PRKAR1A: variants seen among roughly 807,000 people sequenced by gnomAD.
The protein encoded by PRKAR1A is protein kinase cAMP-dependent type I regulatory subunit alpha.
A neutral mutation model predicts 52.0 loss-of-function variants in PRKAR1A; 3 were observed. The ratio of observed to expected loss-of-function variants is 0.06; its 90% CI spans 0.03 to 0.15. The LOEUF (loss-of-function observed/expected upper bound fraction) is 0.15, where lower values mean the gene tolerates loss of function less well. PRKAR1A is among the 10% of genes least tolerant of loss of function. The pLI, the probability that PRKAR1A is intolerant of heterozygous loss-of-function variation, is 1.00. For synonymous variants in PRKAR1A, 188 were observed against 168.4 expected, an observed-to-expected ratio of 1.12 and a Z score of -0.90; for missense variants, 240 against 477.4, an observed-to-expected ratio of 0.50 and a Z score of 4.63.
At chr17:68,442,288 A>C in the PRKAR1A span, among the ~76,000 whole-genome samples, 3 of 152,086 alleles carry the variant, frequency 2.0e-5, 1 homozygote, top group South Asian at 2.1e-4. Flanking sequence ...ACATGGTGAA[A>C]TCCTATCTCT....
rs545396748 is a variant in PRKAR1A at position 68,539,917 on chromosome 17, A to G, written c.973+9916A>G. 3 of 1,614,204 alleles carry G rather than the reference A, an allele frequency of 1.9e-6. No homozygotes were observed. In the Admixed American group the frequency reaches 5.0e-5, roughly 27 times the overall value. ...CGTTGTCAAGGTGAATAAGGAACCC[A>G]TCATCCCCGAACTTGGTGAACATCT... On this transcript the variant is annotated intron_variant, in intron 11 of 11. Coordinates refer to the PRKAR1A transcript ENST00000585981.
chr17:68,420,648 C>G, the PRKAR1A span: 1 of 702,948 alleles, frequency 1.4e-6, no homozygotes, highest in South Asian at 1.9e-5. Context: ...AGCAGCTGAG[C>G]TGCGCTGGCT....
upstream of PRKAR1A, among the ~76,000 whole-genome samples, chr17:68,509,044 A>G (rs947589020): frequency 3.3e-5 from 5 of 152,194 alleles, no homozygotes; most frequent in Admixed American, 1.3e-4. Context: ...AGGTGCAAGA[A>G]CCACCAAGAA....
At chr17:68,420,764 G>C in the PRKAR1A span, 1 of 376,512 alleles carries the variant, frequency 2.7e-6, no homozygotes, top group Admixed American at 4.3e-5. Context: ...TAACCTGCAA[G>C]TTGATTTTGA....
chr17:68,440,964 A>G, the PRKAR1A span: 1 of 152,252 alleles, frequency 6.6e-6, no homozygotes, highest in Non-Finnish European at 1.5e-5. Context: ...GGAAGCATTT[A>G]TACCACTTTT....
At chr17:68,525,353 T>G (rs1210035609) in intron 6 of PRKAR1A, among the ~76,000 whole-genome samples, 3 of 152,126 alleles carry the variant, frequency 2.0e-5, no homozygotes, top group Non-Finnish European at 4.4e-5. Context: ...TAATATACCT[T>G]TCTTATTCAC....
chr17:68,438,889 C>T, the PRKAR1A span, among the ~76,000 whole-genome samples: 1 of 152,208 alleles, frequency 6.6e-6, no homozygotes, highest in African/African-American at 2.4e-5. Context: ...CGTGAGCCAT[C>T]GTGCCTGGCC....
In PRKAR1A at chr17:68,533,296, T is replaced by C. The variant is rs1034894341; in HGVS notation, c.*2847T>C. The C allele has an allele frequency of 1.9e-4, 199 of 1,063,996 alleles. No homozygotes were observed. The highest frequency in any genetic ancestry group is 1.2e-3 in the African/African-American group (72 of 61,046). 65.9% of individuals were successfully genotyped at this position (1,063,996 alleles called of 1,614,324 possible). On this transcript the variant is annotated 3_prime_UTR_variant, in exon 11 of 11. Transcript: ENST00000589228. The stretch of plus-strand genomic sequence containing the variant: ...TTCACATCCAGTGAAATTGGAGATA[T>C]GTTGTATGTTAGAAGAGCATTCTTT...
chr17:68,510,123 C>A (rs72847781), upstream of PRKAR1A, among the ~76,000 whole-genome samples: 19,319 of 147,602 alleles, frequency 0.13, 1,328 homozygotes, highest in South Asian at 0.19. Flanking sequence ...TTAATATATC[C>A]CCCACTGTAC....
chr17:68,486,507 T>TTCCTTCCTTCCTTCCC, the PRKAR1A span, among the ~76,000 whole-genome samples: 99 of 40,502 alleles, frequency 2.4e-3, 2 homozygotes, highest in South Asian at 7.6e-3. Context: ...CCTTCCTTCC[T>TTCCTTCCTTCCTTCCC]TCTTTCTTTC....
the PRKAR1A span, among the ~76,000 whole-genome samples, chr17:68,501,720 A>T: frequency 1.3e-5 from 2 of 152,148 alleles, no homozygotes; most frequent in African/African-American, 4.8e-5. Context: ...AGCTTCCTAA[A>T]GTGCTGGGAT....
the PRKAR1A span, among the ~76,000 whole-genome samples, chr17:68,448,685 T>C: frequency 6.6e-6 from 1 of 152,230 alleles, no homozygotes; most frequent in Non-Finnish European, 1.5e-5. Context: ...ACAGATCATT[T>C]GCCTAAACAA....
chr17:68,415,947 G>T, the PRKAR1A span, among the ~76,000 whole-genome samples: 2 of 152,106 alleles, frequency 1.3e-5, no homozygotes, highest in African/African-American at 4.8e-5. Context: ...GCAGATGGTT[G>T]GTTGGTGATC....
the PRKAR1A span, among the ~76,000 whole-genome samples, chr17:68,424,803 G>A: frequency 2.0e-5 from 3 of 151,274 alleles, no homozygotes; most frequent in Non-Finnish European, 4.4e-5. Flanking sequence ...CTTGAACCCA[G>A]GAGGCAGAGG....
At chr17:68,528,008 C>T in intron 8 of PRKAR1A, 108 bp downstream of exon 8, 1 of 977,702 alleles carries the variant, frequency 1.0e-6, no homozygotes, top group Non-Finnish European at 1.6e-6. Context: ...CTCATTCCCC[C>T]TGAAAAGACA....
At chr17:68,546,117 C>T (rs1162547785) in intron 11 of PRKAR1A, among the ~76,000 whole-genome samples, 4 of 142,636 alleles carry the variant, frequency 2.8e-5, no homozygotes, top group African/African-American at 1.1e-4. Flanking sequence ...TGCAGTGAGC[C>T]GAGATTGTGC....
At chr17:68,502,780 GAT>G in the PRKAR1A span, among the ~76,000 whole-genome samples, 4 of 127,008 alleles carry the variant, frequency 3.1e-5, no homozygotes, top group Non-Finnish European at 6.6e-5. Context: ...AAAAAAAAAA[GAT>G]ATTTTGAATC....
chr17:68,510,577 G>A (rs1171699106), upstream of PRKAR1A, among the ~76,000 whole-genome samples: 1 of 152,184 alleles, frequency 6.6e-6, no homozygotes, highest in Non-Finnish European at 1.5e-5. Flanking sequence ...CCCATAACAT[G>A]ACCGGGCCTG....
chr17:68,488,533 G>C, the PRKAR1A span, among the ~76,000 whole-genome samples: 2 of 151,962 alleles, frequency 1.3e-5, no homozygotes, highest in Non-Finnish European at 2.9e-5. Context: ...TTCCAGACCA[G>C]CCTGACCAAC....
Sources: gnomAD v4.1 joint callset for allele counts (sites outside exome capture counted in the v4.1 genomes callset) on GRCh38, gnomAD v4.1.1 for gene constraint, MANE v1.5 for transcripts, NCBI Gene and HGNC (gene_info 2026-07-23, HGNC 2026-07-21) for gene names.